The following LARGE1 variants were observed in gnomAD, a reference collection of about 807,000 sequenced individuals.
LARGE1 encodes the protein xylosyl- and glucuronyltransferase LARGE1.
A neutral mutation model predicts 87.6 loss-of-function variants in LARGE1; 43 were observed. That is an observed-to-expected ratio of 0.49 (90% CI 0.38 to 0.63). The LOEUF (loss-of-function observed/expected upper bound fraction) is 0.63, where lower values mean the gene tolerates loss of function less well. Among genes scored for constraint, LARGE1 ranks in the 30% least tolerant of loss-of-function variants. The pLI is 0.00. For synonymous variants in LARGE1, 434 were observed against 394.6 expected (o/e 1.10, Z -1.18); for missense variants, 802 against 1,000.2 (o/e 0.80, Z 2.67).
rs548631247 is a variant in LARGE1 at position 33,356,493 on chromosome 22, C to T, written c.1132-18692G>A. ...CCTTCTTTGAAATAAGAGAGTTGGC[C>T]GGGCGTGGTGGCTCATGCCTGTAAT... On this transcript the variant is annotated intron_variant, in intron 9 of 14. Transcript: ENST00000397394. 3.9e-5 allele frequency among the ~76,000 whole-genome samples: 6 copies of T among 152,268 alleles called. No individual in the cohort carries two copies. In the South Asian group the frequency reaches 8.3e-4, roughly 21 times the overall value.
intron 1 of LARGE1, among the ~76,000 whole-genome samples, chr22:33,794,680 G>T (rs2085926474): frequency 7.4e-6 from 1 of 134,656 alleles, no homozygotes; most frequent in South Asian, 2.7e-4. Flanking sequence ...GAGCACAGTG[G>T]CACGATCTCG....
At chr22:33,432,048 C>T in intron 7 of LARGE1, 113 bp downstream of exon 7, 1 of 818,918 alleles carries the variant, frequency 1.2e-6, no homozygotes, top group East Asian at 2.6e-5. Flanking sequence ...CCACTGAATT[C>T]AAGCAATCAG....
At chr22:33,277,315 A>G in intron 13 of LARGE1, 60 bp from the exon 14 acceptor site, 1 of 1,507,914 alleles carries the variant, frequency 6.6e-7, no homozygotes, top group Non-Finnish European at 9.1e-7. Context: ...CTCCAAATGC[A>G]GCCGATGTGG....
chr22:33,168,349 A>T (rs1401865799), intron 11 of LARGE1, among the ~76,000 whole-genome samples: 1 of 152,238 alleles, frequency 6.6e-6, no homozygotes, highest in Non-Finnish European at 1.5e-5. Context: ...TGTATATATA[A>T]GGCCAAAGTA....
intron 1 of LARGE1, among the ~76,000 whole-genome samples, chr22:33,845,883 A>C (rs1169180499): frequency 1.3e-5 from 2 of 152,184 alleles, no homozygotes; most frequent in Non-Finnish European, 2.9e-5. Flanking sequence ...TGAGGGTTTC[A>C]AAATCTTTAT....
At chr22:33,165,535 T>C (rs1242391910) in exon 12 of LARGE1, 1 of 152,202 alleles carries the variant, frequency 6.6e-6, no homozygotes, top group Non-Finnish European at 1.5e-5. Context: ...TTCAAAATCA[T>C]CTAGGGACCT....
intron 11 of LARGE1, among the ~76,000 whole-genome samples, chr22:33,185,958 A>G (rs1350325754): frequency 6.6e-6 from 1 of 152,164 alleles, no homozygotes; most frequent in Non-Finnish European, 1.5e-5. Flanking sequence ...TAGAATTTCT[A>G]CCTTATCAAA....
intron 1 of LARGE1, among the ~76,000 whole-genome samples, chr22:33,811,191 C>T (rs755360898): frequency 3.9e-5 from 6 of 152,152 alleles, no homozygotes; most frequent in South Asian, 2.1e-4. Context: ...TATTAGACCA[C>T]CAGCTGTGGT....
chr22:33,630,041 T>TA (rs2080055315), intron 3 of LARGE1, among the ~76,000 whole-genome samples: 1 of 151,984 alleles, frequency 6.6e-6, no homozygotes, highest in African/African-American at 2.4e-5. Context: ...CTACTAAAAA[T>TA]ACAAAAAATT....
At chr22:33,782,681 A>G (rs1405374417) in intron 1 of LARGE1, among the ~76,000 whole-genome samples, 1 of 152,040 alleles carries the variant, frequency 6.6e-6, no homozygotes, top group African/African-American at 2.4e-5. Flanking sequence ...CCTGGCCAAC[A>G]TGGTGAAACC....
intron 1 of LARGE1, among the ~76,000 whole-genome samples, chr22:33,810,868 T>C (rs550493758): frequency 6.6e-6 from 1 of 152,000 alleles, no homozygotes; most frequent in East Asian, 1.9e-4. Flanking sequence ...GGACTACAGG[T>C]GTGCGCCACC....
intron 2 of LARGE1, among the ~76,000 whole-genome samples, chr22:33,687,781 A>G (rs1325184384): frequency 6.6e-6 from 1 of 152,228 alleles, no homozygotes; most frequent in African/African-American, 2.4e-5. Context: ...CCTGCTGTTC[A>G]CCAGGTAGGC....
At chr22:33,405,694 T>C (rs1297233698) in intron 7 of LARGE1, among the ~76,000 whole-genome samples, 1 of 152,186 alleles carries the variant, frequency 6.6e-6, no homozygotes, top group Non-Finnish European at 1.5e-5. Flanking sequence ...GAATAAATGG[T>C]GTAACGATCC....
the LARGE1 span, among the ~76,000 whole-genome samples, chr22:33,080,140 T>G: frequency 6.6e-6 from 1 of 152,214 alleles, no homozygotes; most frequent in African/African-American, 2.4e-5. Flanking sequence ...CCAGGAAACA[T>G]GAGTTTTAGT....
At chr22:33,631,183 G>T (rs970544951) in intron 3 of LARGE1, among the ~76,000 whole-genome samples, 19 of 152,032 alleles carry the variant, frequency 1.2e-4, no homozygotes, top group African/African-American at 4.6e-4. Flanking sequence ...AAGAGATGGG[G>T]TCTTGCTATA....
At chr22:33,127,458 C>A in the LARGE1 span, among the ~76,000 whole-genome samples, 1 of 152,130 alleles carries the variant, frequency 6.6e-6, no homozygotes, top group South Asian at 2.1e-4. Context: ...ACCATCCAGG[C>A]GGCATGTCTT....
At chr22:33,444,373 AT>A (rs1458855877) in intron 6 of LARGE1, among the ~76,000 whole-genome samples, 2 of 152,136 alleles carry the variant, frequency 1.3e-5, no homozygotes, top group Admixed American at 6.6e-5. Flanking sequence ...TTACTGCTTA[AT>A]TTTTTTCCCC....
intron 6 of LARGE1, among the ~76,000 whole-genome samples, chr22:33,529,894 C>G (rs539074966): frequency 2.6e-5 from 4 of 152,316 alleles, no homozygotes; most frequent in South Asian, 2.1e-4. Context: ...TTCTCACCAG[C>G]TAACAGAACC....
At chr22:33,207,691 A>C (rs571203129) in intron 11 of LARGE1, among the ~76,000 whole-genome samples, 10 of 151,950 alleles carry the variant, frequency 6.6e-5, no homozygotes, top group Non-Finnish European at 1.0e-4. Flanking sequence ...CCATTGCTCT[A>C]TTTCTTTCTT....
Sources: allele counts gnomAD v4.1 joint callset (sites outside exome capture counted in the v4.1 genomes callset), GRCh38; gene constraint gnomAD v4.1.1; transcripts MANE v1.5; gene names NCBI Gene and HGNC (gene_info 2026-07-23, HGNC 2026-07-21).